Variants in ANKMY2 observed in about 807,000 individuals in gnomAD.
ANKMY2 encodes the protein ankyrin repeat and MYND domain-containing protein 2.
In ANKMY2, 36 loss-of-function variants were observed where a neutral mutation model predicts 50.4. That is an observed-to-expected ratio of 0.71 (90% confidence interval 0.55 to 0.94). The LOEUF (loss-of-function observed/expected upper bound fraction) is 0.94. ANKMY2 is among the 40% of genes least tolerant of loss of function. The pLI is 0.00. For missense variants in ANKMY2, 565 were observed against 524.0 expected, an observed-to-expected ratio of 1.08 and a Z score of -0.76; for synonymous variants, 187 against 178.8, an observed-to-expected ratio of 1.05 and a Z score of -0.36.
intron 7 of ANKMY2, among the ~76,000 whole-genome samples, chr7:16,606,564 AATTTGTTC>A (rs1781165212): frequency 6.6e-6 from 1 of 152,144 alleles, no homozygotes; most frequent in Admixed American, 6.6e-5. Context: ...GAGTTTTTCA[AATTTGTTC>A]ATTTGTTCCA....
chr7:16,602,464 G>A lies in ANKMY2; in HGVS notation c.1057C>T (p.His353Tyr). ...TTCAGATTCTTACAGATTTTCTTAT[G>A]AGTAAACCAGTGTGTTTTCTGGCAG... Reference protein sequence around the residue: ...QTCQKTHWFTHKKICKNLKDI... With the variant: ...QTCQKTHWFTYKKICKNLKDI... Residue 353 changes from histidine (H) to tyrosine (Y), a missense_variant, in exon 9 of 10, where the codon CAT becomes TAT. Transcript: ENST00000306999. The A allele has an allele frequency of 6.2e-7, 1 of 1,613,694 alleles. No individual in the cohort carries two copies. Among genetic ancestry groups the A allele is most frequent in the Non-Finnish European group, 8.5e-7 (1 of 1,179,898 alleles).
At chr7:16,640,244 G>A (rs966846798) in intron 1 of ANKMY2, among the ~76,000 whole-genome samples, 1 of 152,124 alleles carries the variant, frequency 6.6e-6, no homozygotes, top group Non-Finnish European at 1.5e-5. Flanking sequence ...TATGAAATAA[G>A]GATAACAATA....
chr7:16,623,776 C>G (rs1162951499), intron 4 of ANKMY2, among the ~76,000 whole-genome samples: 2 of 152,060 alleles, frequency 1.3e-5, no homozygotes, highest in African/African-American at 2.4e-5. Context: ...AAATATTTCT[C>G]CGAAGCTTAC....
chr7:16,632,725 G>A (rs1370105152), intron 2 of ANKMY2, among the ~76,000 whole-genome samples: 1 of 152,168 alleles, frequency 6.6e-6, no homozygotes, highest in Non-Finnish European at 1.5e-5. Context: ...ATTTGCATAT[G>A]CAAAATTTTG....
chr7:16,615,637 C>T, intron 5 of ANKMY2, 107 bp downstream of exon 5: 2 of 1,431,104 alleles, frequency 1.4e-6, no homozygotes, highest in Non-Finnish European at 9.5e-7. Flanking sequence ...GCAAGCTCTA[C>T]AACTACAAAA....
chr7:16,619,988 T>A (rs1229010027), intron 4 of ANKMY2, among the ~76,000 whole-genome samples: 1 of 152,236 alleles, frequency 6.6e-6, no homozygotes, highest in Non-Finnish European at 1.5e-5. Flanking sequence ...GTAGAATAAC[T>A]TCTATATGTC....
At chr7:16,627,586 T>C (rs995140304) in intron 2 of ANKMY2, among the ~76,000 whole-genome samples, 2 of 152,246 alleles carry the variant, frequency 1.3e-5, no homozygotes, top group African/African-American at 4.8e-5. Context: ...GTATGGTATA[T>C]GCATAACATG....
chr7:16,616,692 C>T (rs1327866478), intron 4 of ANKMY2, among the ~76,000 whole-genome samples: 1 of 152,238 alleles, frequency 6.6e-6, no homozygotes, highest in Non-Finnish European at 1.5e-5. Flanking sequence ...TCCTGGATCT[C>T]CGGAGGAGAC....
At chr7:16,622,384 C>G (rs190714176) in intron 4 of ANKMY2, among the ~76,000 whole-genome samples, 4,981 of 152,202 alleles carry the variant, frequency 0.033, 117 homozygotes, top group Non-Finnish European at 0.047. Context: ...TGGTAATACT[C>G]AGCTCTGATG....
At chr7:16,614,396 A>C (rs78158031) in intron 5 of ANKMY2, among the ~76,000 whole-genome samples, 2,411 of 152,120 alleles carry the variant, frequency 0.016, 71 homozygotes, top group African/African-American at 0.056. Context: ...ATTAAGAAAA[A>C]CTCTGAGTTT....
chr7:16,625,570 TAAAGTAG>T (rs1440114623), intron 3 of ANKMY2, among the ~76,000 whole-genome samples: 1 of 152,224 alleles, frequency 6.6e-6, no homozygotes, highest in African/African-American at 2.4e-5. Context: ...ATTCTTCTAC[TAAAGTAG>T]TCATTATGGG....
chr7:16,645,134 G>A (rs1781814492), intron 1 of ANKMY2, among the ~76,000 whole-genome samples: 1 of 152,280 alleles, frequency 6.6e-6, no homozygotes, highest in Non-Finnish European at 1.5e-5. Context: ...ACCCGCCTAA[G>A]AACCTGAAAC....
chr7:16,614,629 G>C (rs947386278), intron 5 of ANKMY2, among the ~76,000 whole-genome samples: 2 of 152,202 alleles, frequency 1.3e-5, no homozygotes, highest in Admixed American at 1.3e-4. Flanking sequence ...CTTTGAGTGA[G>C]TGTCAGTCTT....
At position 16,625,437 on chromosome 7, in the gene ANKMY2, C is replaced by T. The variant is rs142143556; in HGVS notation, c.272-356G>A. On this transcript the variant is annotated intron_variant, in intron 3 of 9. Transcript: ENST00000306999. ...AAAGAGATAAAATGAATAGGATTCC[C>T]CTTTAATATCGACTAATCCATCCCA... is the stretch of plus-strand genomic sequence containing the variant. Among the ~76,000 whole-genome samples the T allele has an allele frequency of 3.3e-5, 5 of 152,230 alleles. No individual in the cohort carries two copies. In the East Asian group the frequency reaches 9.6e-4, roughly 29 times the overall value.
intron 8 of ANKMY2, among the ~76,000 whole-genome samples, chr7:16,603,890 A>G (rs773164342): frequency 6.6e-6 from 1 of 152,222 alleles, no homozygotes; most frequent in Non-Finnish European, 1.5e-5. Flanking sequence ...AGCCAACCAC[A>G]ACTGTGAGAG....
rs753092098 is a variant in ANKMY2, at chr7:16,600,973, G to A, written c.1142-28C>T. 8 of 1,547,690 alleles carry A rather than the reference G, an allele frequency of 5.2e-6. No individual in the cohort carries two copies. The Admixed American group carries it at 1.5e-4, about 30-fold the overall frequency. The stretch of plus-strand genomic sequence containing the variant: ...GATTAAAAAAAGAAGAAGTTATTTT[G>A]TTCCTACCATGTGTCAGACACTCTT... On this transcript the variant is annotated intron_variant, in intron 9 of 9. Coordinates refer to ENST00000306999, the MANE Select transcript of ANKMY2 (RefSeq NM_020319.3).
intron 4 of ANKMY2, among the ~76,000 whole-genome samples, chr7:16,620,197 GGGA>G (rs1395531158): frequency 6.6e-6 from 1 of 152,198 alleles, no homozygotes; most frequent in South Asian, 2.1e-4. Context: ...GGAGACAAAG[GGGA>G]GGAGAGAGAG....
chr7:16,606,398 C>T (rs1015730232), intron 7 of ANKMY2, among the ~76,000 whole-genome samples: 1 of 150,274 alleles, frequency 6.7e-6, no homozygotes, highest in Non-Finnish European at 1.5e-5. Context: ...CACTACACTC[C>T]AGCCTTGGTG....
chr7:16,603,584 T>C, intron 8 of ANKMY2: 2 of 471,102 alleles, frequency 4.2e-6, no homozygotes, highest in Non-Finnish European at 8.8e-6. Flanking sequence ...CTTATACATA[T>C]ATTGTATTAT....
Sources: allele counts gnomAD v4.1 joint callset (sites outside exome capture counted in the v4.1 genomes callset), GRCh38; gene constraint gnomAD v4.1.1; transcripts MANE v1.5; gene names NCBI Gene and HGNC (gene_info 2026-07-23, HGNC 2026-07-21).